CFAP96: variants seen among roughly 807,000 people sequenced by gnomAD.
The protein encoded by CFAP96 is cilia-and flagella-associated protein 96.
At chr4:185,417,660 C>T in the CFAP96 span, among the ~76,000 whole-genome samples, 3 of 152,168 alleles carry the variant, frequency 2.0e-5, no homozygotes, top group Non-Finnish European at 4.4e-5. Context: ...CATACAACTT[C>T]GTGCCTTGAA....
the CFAP96 span, among the ~76,000 whole-genome samples, chr4:185,417,140 T>C: frequency 5.9e-5 from 9 of 152,352 alleles, no homozygotes; most frequent in African/African-American, 2.2e-4. Flanking sequence ...AACTGTCTCT[T>C]TCATACCATG....
the CFAP96 span, among the ~76,000 whole-genome samples, chr4:185,410,015 T>C: frequency 5.9e-5 from 9 of 152,320 alleles, no homozygotes; most frequent in East Asian, 1.7e-3. Flanking sequence ...AGACAATACA[T>C]TTTTGTAGTT....
At chr4:185,435,806 A>G in the CFAP96 span, among the ~76,000 whole-genome samples, 1 of 152,186 alleles carries the variant, frequency 6.6e-6, no homozygotes, top group Non-Finnish European at 1.5e-5. Flanking sequence ...ATTAATGAGA[A>G]TGATTCTAAC....
chr4:185,427,628 C>G, the CFAP96 span, among the ~76,000 whole-genome samples: 1 of 151,820 alleles, frequency 6.6e-6, no homozygotes, highest in East Asian at 1.9e-4. Flanking sequence ...GGCGTGGTGG[C>G]AGGTGCCCGT....
At chr4:185,428,597 ACT>A in the CFAP96 span, among the ~76,000 whole-genome samples, 2 of 150,244 alleles carry the variant, frequency 1.3e-5, no homozygotes, top group Non-Finnish European at 3.0e-5. Flanking sequence ...AAAAAAAGAG[ACT>A]CTGTCTTAAA....
the CFAP96 span, chr4:185,415,276 A>G: frequency 1.2e-6 from 2 of 1,601,588 alleles, no homozygotes; most frequent in South Asian, 2.3e-5. Context: ...TGTTCCTTTC[A>G]TATATTTCAA....
At chr4:185,425,863 CACCA>C in the CFAP96 span, 1 of 1,604,290 alleles carries the variant, frequency 6.2e-7, no homozygotes, top group South Asian at 1.1e-5. Flanking sequence ...CAGAGATACT[CACCA>C]TGTCCGCGAC....
chr4:185,444,767 A>G, the CFAP96 span, among the ~76,000 whole-genome samples: 1 of 152,200 alleles, frequency 6.6e-6, no homozygotes, highest in African/African-American at 2.4e-5. Flanking sequence ...ATTTTTATAG[A>G]GAGATTTTGG....
At chr4:185,447,329 C>T in the CFAP96 span, among the ~76,000 whole-genome samples, 2 of 151,914 alleles carry the variant, frequency 1.3e-5, no homozygotes, top group South Asian at 4.2e-4. Context: ...CTACAGGCGC[C>T]CGCCACCACG....
At chr4:185,430,256 T>C in the CFAP96 span, among the ~76,000 whole-genome samples, 1 of 152,212 alleles carries the variant, frequency 6.6e-6, no homozygotes, top group African/African-American at 2.4e-5. Context: ...AATATTTAAA[T>C]GTCTCAGTTC....
At chr4:185,419,225 G>A in the CFAP96 span, among the ~76,000 whole-genome samples, 7 of 151,928 alleles carry the variant, frequency 4.6e-5, 1 homozygote, top group South Asian at 6.2e-4. Context: ...TCCGCCTCCC[G>A]GGTTCACGCC....
chr4:185,433,300 C>T, the CFAP96 span, among the ~76,000 whole-genome samples: 1 of 150,432 alleles, frequency 6.6e-6, no homozygotes, highest in African/African-American at 2.5e-5. Context: ...GAGGCTGAGG[C>T]AGGAGAATCT....
the CFAP96 span, among the ~76,000 whole-genome samples, chr4:185,443,940 T>C: frequency 4.7e-4 from 26 of 55,320 alleles, no homozygotes; most frequent in African/African-American, 2.5e-3. Flanking sequence ...TTTTTTTTTT[T>C]TTTTTTTTTT....
the CFAP96 span, among the ~76,000 whole-genome samples, chr4:185,417,604 C>T: frequency 0.05 from 7,607 of 152,254 alleles, 219 homozygotes; most frequent in South Asian, 0.1. Context: ...TTATGTCCAC[C>T]CATTCTTCCT....
chr4:185,422,392 ATC>A, the CFAP96 span: 8 of 866,968 alleles, frequency 9.2e-6, no homozygotes, highest in African/African-American at 3.5e-5. Context: ...AGTTCATCCT[ATC>A]TCTCTCTCAG....
chr4:185,427,674 T>C, the CFAP96 span, among the ~76,000 whole-genome samples: 4,187 of 142,676 alleles, frequency 0.029, 127 homozygotes, highest in South Asian at 0.05. Flanking sequence ...GCAGGAGAAT[T>C]CCTTGAACCC....
chr4:185,449,313 G>A, the CFAP96 span, among the ~76,000 whole-genome samples: 1 of 152,070 alleles, frequency 6.6e-6, no homozygotes, highest in Non-Finnish European at 1.5e-5. Flanking sequence ...TTGAGCCCAG[G>A]ATTTTAAGAC....
chr4:185,443,377 T>C, the CFAP96 span, among the ~76,000 whole-genome samples: 2 of 132,630 alleles, frequency 1.5e-5, no homozygotes, highest in Non-Finnish European at 3.2e-5. Flanking sequence ...GGAGTCTTGC[T>C]CTGTTGCCCA....
At chr4:185,436,932 C>T in the CFAP96 span, among the ~76,000 whole-genome samples, 1 of 152,218 alleles carries the variant, frequency 6.6e-6, no homozygotes, top group African/African-American at 2.4e-5. Flanking sequence ...TTTTACATCT[C>T]TGTAAACTAG....
Sources: allele counts gnomAD v4.1 joint callset (sites outside exome capture counted in the v4.1 genomes callset), GRCh38; gene constraint gnomAD v4.1.1; transcripts MANE v1.5; gene names NCBI Gene and HGNC (gene_info 2026-07-23, HGNC 2026-07-21).